The following RTKN2 variants were observed in gnomAD, a reference collection of about 807,000 sequenced individuals.
RTKN2 encodes rhotekin 2, also known as rhotekin-2.
In RTKN2, 69 loss-of-function variants were observed where a neutral mutation model predicts 71.5. The ratio of observed to expected loss-of-function variants is 0.96; its 90% confidence interval spans 0.79 to 1.18. The LOEUF (loss-of-function observed/expected upper bound fraction) is 1.18, where lower values mean the gene tolerates loss of function less well. RTKN2 is among the 50% of genes most tolerant of loss of function. The probability of loss-of-function intolerance (pLI) is 0.00; values close to 1 mark genes in which losing one functional copy is unlikely to be tolerated. For synonymous variants in RTKN2, 236 were observed against 236.5 expected (o/e 1.00, Z 0.02); for missense variants, 724 against 719.7 (o/e 1.01, Z -0.07).
intron 2 of RTKN2, among the ~76,000 whole-genome samples, chr10:62,260,811 T>C (rs1842758952): frequency 6.6e-6 from 1 of 152,174 alleles, no homozygotes; most frequent in Admixed American, 6.5e-5. Flanking sequence ...GTCCCAAAAA[T>C]AATATTCCAG....
rs191007102 is a variant in RTKN2 at position 62,236,979 on chromosome 10, G to A, written c.489-716C>T. On this transcript the variant is annotated intron_variant, in intron 5 of 11. Transcript: ENST00000373789. ...TACCATGGGCAAGGACTGGGGGAGAGGAAATGGGGAGATATAGGTCAAAGG... is the reference window on the plus strand; with the variant it reads ...TACCATGGGCAAGGACTGGGGGAGAAGAAATGGGGAGATATAGGTCAAAGG... Among the ~76,000 whole-genome samples, 16 of 151,850 alleles carry A rather than the reference G, an allele frequency of 1.1e-4. No homozygotes were observed. In the East Asian group the frequency reaches 3.1e-3, roughly 29 times the overall value.
rs570402700 is a variant in RTKN2 at position 62,200,909 on chromosome 10, T to C, written c.1187-1048A>G. ...AGTCTTGAATAAAATCTTTCAACTA[T>C]TAAGTTAAAATTTGAGTGTGGACAT... On this transcript the variant is annotated intron_variant, in intron 10 of 11. Coordinates refer to ENST00000373789, the MANE Select transcript of RTKN2 (RefSeq NM_145307.4). 1.4e-3 allele frequency among the ~76,000 whole-genome samples: 218 copies of C among 152,274 alleles called. 1 individual carries two copies. The highest frequency in any genetic ancestry group is 2.3e-3 in the Non-Finnish European group (157 of 67,982).
In RTKN2 at chr10:62,250,968, G is replaced by C. The variant is rs765756994; in HGVS notation, c.258-4911C>G. Among the ~76,000 whole-genome samples, 2 of 152,294 alleles carry C rather than the reference G, an allele frequency of 1.3e-5. 1 individual carries two copies. The highest frequency in any genetic ancestry group is 1.3e-4 in the Admixed American group (2 of 15,290). Reference sequence around the variant, plus strand: ...AGTTTTAAACTGCACACCATTCTGAGTAGTGTAATGAAACCTCACACTGCC... The same window carrying C: ...AGTTTTAAACTGCACACCATTCTGACTAGTGTAATGAAACCTCACACTGCC... On this transcript the variant is annotated intron_variant, in intron 2 of 11. Coordinates refer to ENST00000373789, the MANE Select transcript of RTKN2 (RefSeq NM_145307.4).
intron 2 of RTKN2, among the ~76,000 whole-genome samples, chr10:62,260,282 G>A (rs1842749802): frequency 6.6e-6 from 1 of 152,104 alleles, no homozygotes; most frequent in African/African-American, 2.4e-5. Flanking sequence ...TCTGCAAGCG[G>A]TAGATATTCA....
At chr10:62,208,869 G>A (rs1006058026) in intron 9 of RTKN2, among the ~76,000 whole-genome samples, 14 of 152,180 alleles carry the variant, frequency 9.2e-5, no homozygotes, top group African/African-American at 2.7e-4. Context: ...GTTAAGATGA[G>A]TGGAAGACCT....
At chr10:62,252,865 G>GT (rs906602088) in intron 2 of RTKN2, among the ~76,000 whole-genome samples, 5 of 152,020 alleles carry the variant, frequency 3.3e-5, no homozygotes, top group South Asian at 4.1e-4. Flanking sequence ...GGTATATAAA[G>GT]TTTTTTTATA....
intron 8 of RTKN2, among the ~76,000 whole-genome samples, chr10:62,187,597 C>T (rs1841157066): frequency 1.3e-5 from 2 of 152,184 alleles, no homozygotes; most frequent in South Asian, 4.1e-4. Context: ...TCAATAGTGT[C>T]ACATTAGTGA....
At chr10:62,186,465 A>G (rs924312692) in intron 8 of RTKN2, among the ~76,000 whole-genome samples, 130 of 151,792 alleles carry the variant, frequency 8.6e-4, no homozygotes, top group African/African-American at 3.0e-3. Context: ...GCAGTAGCGG[A>G]ATGAAAAGGA....
At chr10:62,259,101 C>T (rs1842726353) in intron 2 of RTKN2, 1 of 411,110 alleles carries the variant, frequency 2.4e-6, no homozygotes. Context: ...GCACTGTTCT[C>T]ATGATAGTGA....
intron 6 of RTKN2, among the ~76,000 whole-genome samples, chr10:62,232,165 C>T (rs1029921573): frequency 1.3e-5 from 2 of 151,912 alleles, no homozygotes; most frequent in Non-Finnish European, 2.9e-5. Flanking sequence ...CAGAATAAAC[C>T]AAATAGAATG....
intron 8 of RTKN2, 147 bp downstream of exon 8, chr10:62,218,046 TAC>T: frequency 1.8e-6 from 1 of 548,628 alleles, no homozygotes. Flanking sequence ...CCGCACCCCC[TAC>T]AGTTTATATC....
intron 11 of RTKN2, among the ~76,000 whole-genome samples, chr10:62,199,063 A>C (rs1440704061): frequency 6.6e-6 from 1 of 152,214 alleles, no homozygotes; most frequent in Non-Finnish European, 1.5e-5. Context: ...GAACAGAGAT[A>C]AATCTCTATT....
At chr10:62,243,583 G>A (rs1564521857) in intron 3 of RTKN2, among the ~76,000 whole-genome samples, 1 of 152,114 alleles carries the variant, frequency 6.6e-6, no homozygotes, top group Non-Finnish European at 1.5e-5. Context: ...AGAGAGGAGG[G>A]TAGATATCAG....
At chr10:62,185,138 A>G (rs566387061) in intron 8 of RTKN2, among the ~76,000 whole-genome samples, 1 of 152,104 alleles carries the variant, frequency 6.6e-6, no homozygotes, top group South Asian at 2.1e-4. Context: ...CTCTCCTCTC[A>G]TGACAGCTTG....
Position 62,239,700 on chromosome 10 carries a change from C to T in RTKN2, c.436G>A (p.Val146Met). ...MGANVFDTDV[V>M]NVDKTITDIC... is the part of the protein sequence containing the mutation. ...TCTGTGATTGTTTTATCCACATTCA[C>T]CACATCAGTATCAAACACATTAGCT... The change falls in exon 5 of 12, where the codon GTG becomes ATG. Residue 146 changes from valine (V) to methionine (M), a missense_variant. Coordinates refer to ENST00000373789, the MANE Select transcript of RTKN2 (RefSeq NM_145307.4). 1.3e-6 allele frequency: 2 copies of T among 1,585,086 alleles called. No homozygotes were observed. Among genetic ancestry groups the T allele is most frequent in the Non-Finnish European group, 1.7e-6 (2 of 1,162,632 alleles).
chr10:62,255,104 A>T (rs1842650612), intron 2 of RTKN2, among the ~76,000 whole-genome samples: 1 of 152,164 alleles, frequency 6.6e-6, no homozygotes, highest in Admixed American at 6.5e-5. Flanking sequence ...ATGTTGGAAA[A>T]TTTTCATAAT....
intron 6 of RTKN2, among the ~76,000 whole-genome samples, chr10:62,227,179 G>T (rs919118796): frequency 6.6e-6 from 1 of 152,098 alleles, no homozygotes; most frequent in African/African-American, 2.4e-5. Flanking sequence ...GTATAAATAT[G>T]TAAACATACA....
In RTKN2 at chr10:62,198,081, G is replaced by C. The variant is rs1038595439; in HGVS notation, c.1657C>G (p.Gln553Glu). The C allele has an allele frequency of 5.0e-6, 8 of 1,614,112 alleles. No individual in the cohort carries two copies. The highest frequency in any genetic ancestry group is 6.8e-6 in the Non-Finnish European group (8 of 1,179,982). ...TKLSTLMHHL[Q>E]KPMAAPRKLL... The stretch of plus-strand genomic sequence containing the variant: ...TTTCGAGGAGCAGCCATTGGTTTCT[G>C]TAAGTGATGCATTAGAGTTGATAGT... Residue 553 changes from glutamine (Q) to glutamate (E), a missense_variant, in exon 12 of 12, where the codon CAG becomes GAG. By Grantham distance (29) the Gln-to-Glu change is conservative. Transcript: ENST00000373789.
chr10:62,239,767 TG>T lies in RTKN2; in HGVS notation c.371-3del. 6.7e-7 allele frequency: 1 copy of T among 1,493,204 alleles called. No individual in the cohort carries two copies. Among genetic ancestry groups the T allele is most frequent in the Non-Finnish European group, 9.3e-7 (1 of 1,080,704 alleles). 92.5% of individuals were successfully genotyped at this position (1,493,204 alleles called of 1,614,324 possible). The stretch of plus-strand genomic sequence containing the variant: ...AAAAAATGGCATAGCGTCGTGATCC[TG>T]GAGGAAAAATAACAACATATTAAGC... On this transcript the variant is annotated splice_region_variant and splice_polypyrimidine_tract_variant and intron_variant, in intron 4 of 11. Transcript: ENST00000373789.
Sources: allele counts gnomAD v4.1 joint callset (sites outside exome capture counted in the v4.1 genomes callset), GRCh38; gene constraint gnomAD v4.1.1; transcripts MANE v1.5; gene names NCBI Gene and HGNC (gene_info 2026-07-23, HGNC 2026-07-21).